STMN4: variants seen among roughly 807,000 people sequenced by gnomAD.
STMN4 encodes stathmin-4.
In STMN4, 12 loss-of-function variants were observed where a neutral mutation model predicts 29.1. That is an observed-to-expected ratio of 0.41 (90% CI 0.26 to 0.67). STMN4 has a LOEUF of 0.67. Ranked by LOEUF, STMN4 falls within the 30% of genes least tolerant of loss-of-function variation. STMN4 has a pLI of 0.30. For synonymous variants in STMN4, 114 were observed against 105.3 expected, an observed-to-expected ratio of 1.08 and a Z score of -0.51; for missense variants, 181 against 262.8, an observed-to-expected ratio of 0.69 and a Z score of 2.15.
At chr8:27,240,569 A>G (rs1801440997) in intron 5 of STMN4, among the ~76,000 whole-genome samples, 1 of 152,206 alleles carries the variant, frequency 6.6e-6, no homozygotes, top group Non-Finnish European at 1.5e-5. Flanking sequence ...GACAGGATGC[A>G]CTGAAGGAAT....
At chr8:27,257,274 C>T (rs1240804105) in intron 1 of STMN4, among the ~76,000 whole-genome samples, 1 of 152,132 alleles carries the variant, frequency 6.6e-6, no homozygotes, top group Non-Finnish European at 1.5e-5. Flanking sequence ...GGGGCTCAGC[C>T]TCAGGTGGAG....
chr8:27,243,697 GT>G lies in STMN4; in HGVS notation c.13+13del. On this transcript the variant is annotated intron_variant, in intron 2 of 6. Transcript: ENST00000350889. ...AATAGCCTACGCCCCTTAACACATG[GT>G]TTTTGTACCTACCAGCAAGGGTCAT... is the stretch of plus-strand genomic sequence containing the variant. 6.2e-7 allele frequency: 1 copy of G among 1,613,722 alleles called. No individual in the cohort carries two copies. Among genetic ancestry groups the G allele is most frequent in the Admixed American group, 1.7e-5 (1 of 60,032 alleles).
Position 27,243,800 on chromosome 8 carries a change from A to T in STMN4, c.-77T>A. On this transcript the variant is annotated splice_region_variant and 5_prime_UTR_variant, in exon 2 of 7. It adds an upstream start codon to the 5' untranslated region. Transcript: ENST00000350889. ...TCACCAGCTTGGGACGCTGTCACCA[A>T]CCTGAGAAAAGGGGAGGACAGGATT... 1 of 1,613,978 alleles carries T rather than the reference A, an allele frequency of 6.2e-7. No homozygotes were observed. Among genetic ancestry groups the T allele is most frequent in the Non-Finnish European group, 8.5e-7 (1 of 1,179,886 alleles).
chr8:27,240,479 G>T (rs1482907068), intron 5 of STMN4, among the ~76,000 whole-genome samples: 1 of 152,030 alleles, frequency 6.6e-6, no homozygotes, highest in Non-Finnish European at 1.5e-5. Flanking sequence ...ACAGCTTGGG[G>T]TAAAAAAAAG....
intron 1 of STMN4, among the ~76,000 whole-genome samples, chr8:27,257,850 C>A (rs545660371): frequency 3.3e-5 from 5 of 152,166 alleles, no homozygotes; most frequent in African/African-American, 9.6e-5. Flanking sequence ...TCATTGCATC[C>A]TTAGAACCAA....
At chr8:27,239,423 T>C (rs987612171) in intron 6 of STMN4, 1 of 873,964 alleles carries the variant, frequency 1.1e-6, no homozygotes, top group Non-Finnish European at 1.7e-6. Context: ...CCCGGCCTCA[T>C]GTTTCTCATA....
chr8:27,240,390 C>A (rs1024295536), intron 5 of STMN4, among the ~76,000 whole-genome samples: 1 of 152,152 alleles, frequency 6.6e-6, no homozygotes, highest in Non-Finnish European at 1.5e-5. Context: ...CCTTCATGGC[C>A]CTTTTGCTCA....
chr8:27,236,416 G>A lies in STMN4; in HGVS notation c.*430C>T. The A allele has an allele frequency of 6.5e-6, 1 of 154,516 alleles. No homozygotes were observed. The highest frequency in any genetic ancestry group is 1.4e-5 in the Non-Finnish European group (1 of 69,680). The allele number at this position is 154,516 out of a possible 1,614,324, so 9.6% of individuals were successfully genotyped here. On this transcript the variant is annotated 3_prime_UTR_variant, in exon 7 of 7. Transcript: ENST00000350889. The stretch of plus-strand genomic sequence containing the variant: ...ACCACTGGTACTCACAACCCCTCTG[G>A]CTGGGTTCTCTGGTGCGCCCTGCAG...
chr8:27,239,180 G>A (rs760874778), intron 6 of STMN4: 3 of 1,527,378 alleles, frequency 2.0e-6, no homozygotes, highest in Non-Finnish European at 2.6e-6. Flanking sequence ...AAGGGCCTGA[G>A]ACTCTAGGTG....
chr8:27,247,065 G>T (rs1276817383), intron 1 of STMN4, among the ~76,000 whole-genome samples: 1 of 151,974 alleles, frequency 6.6e-6, no homozygotes, highest in Non-Finnish European at 1.5e-5. Context: ...GACCAGCCTG[G>T]CCAACATGGT....
At chr8:27,251,959 C>G (rs56298508) in intron 1 of STMN4, among the ~76,000 whole-genome samples, 9,546 of 151,356 alleles carry the variant, frequency 0.063, 438 homozygotes, top group Non-Finnish European at 0.092. Context: ...ATCCCTCCCC[C>G]CTTCCCCCAT....
In STMN4 at chr8:27,241,027, A is replaced by T. The variant is rs763520354; in HGVS notation, c.399+27T>A. 1.9e-6 allele frequency: 3 copies of T among 1,596,828 alleles called. No homozygotes were observed. In the South Asian group the frequency reaches 3.4e-5, roughly 18 times the overall value. On this transcript the variant is annotated intron_variant, in intron 5 of 6. Coordinates refer to ENST00000350889, the MANE Select transcript of STMN4 (RefSeq NM_030795.4). ...CTCCCTCCCCTTTATGCTGAGAGGG[A>T]GGAAAGAAGGAAGGGTCAGCATTTA... is the stretch of plus-strand genomic sequence containing the variant.
chr8:27,244,700 G>A (rs1420665466), intron 1 of STMN4, among the ~76,000 whole-genome samples: 4 of 152,096 alleles, frequency 2.6e-5, no homozygotes, highest in East Asian at 1.9e-4. Flanking sequence ...CTCAGTGTCC[G>A]TGGGATCAGG....
intron 6 of STMN4, chr8:27,239,634 C>A: frequency 3.8e-6 from 5 of 1,300,342 alleles, no homozygotes; most frequent in Non-Finnish European, 5.1e-6. Context: ...AGGGATGAAG[C>A]TAGGAATGCA....
rs560031695 is a variant in STMN4 at position 27,241,889 on chromosome 8, G to A, written c.110-132C>T. The stretch of plus-strand genomic sequence containing the variant: ...GTCCCCGAGCACCCCTGGTGAGGAC[G>A]TGGCCACCCAGTGCTCCCTGCTGGT... On this transcript the variant is annotated intron_variant, in intron 3 of 6. Coordinates refer to ENST00000350889, the MANE Select transcript of STMN4 (RefSeq NM_030795.4). The A allele has an allele frequency of 7.9e-6, 8 of 1,006,874 alleles. No homozygotes were observed. The East Asian group carries it at 1.2e-4, about 15-fold the overall frequency. 62.4% of individuals were successfully genotyped at this position (1,006,874 alleles called of 1,614,324 possible). A position where few individuals can be genotyped will look rare whatever the true frequency, so the allele number is the denominator to read the frequency against.
chr8:27,244,400 T>C (rs569076944), intron 1 of STMN4, among the ~76,000 whole-genome samples: 2 of 152,094 alleles, frequency 1.3e-5, no homozygotes, highest in South Asian at 2.1e-4. Flanking sequence ...CATTAAGGAA[T>C]CATGTCGTCA....
rs1359482254 is a variant in STMN4 at position 27,243,771 on chromosome 8, T to A, written c.-48A>T. ...ATCTAGCTGAAAGTTACAGAGTGGG[T>A]CTGTCACCAGCTTGGGACGCTGTCA... On this transcript the variant is annotated 5_prime_UTR_variant, in exon 2 of 7. Transcript: ENST00000350889. 4.3e-6 allele frequency: 7 copies of A among 1,614,044 alleles called. No homozygotes were observed. The highest frequency in any genetic ancestry group is 5.9e-6 in the Non-Finnish European group (7 of 1,180,020).
chr8:27,243,896 G>A (rs911464852), intron 1 of STMN4, 95 bp from the exon 2 acceptor site: 1 of 1,165,354 alleles, frequency 8.6e-7, no homozygotes, highest in Admixed American at 2.0e-5. Context: ...GAATCTCAGG[G>A]GTACCTCATT....
At chr8:27,249,093 A>AC (rs141448591) in intron 1 of STMN4, among the ~76,000 whole-genome samples, 1,602 of 151,790 alleles carry the variant, frequency 0.011, 30 homozygotes, top group African/African-American at 0.035. Flanking sequence ...GTGGGTGATA[A>AC]CCCCCCCCAA....
Sources: gnomAD v4.1 joint callset for allele counts (sites outside exome capture counted in the v4.1 genomes callset) on GRCh38, gnomAD v4.1.1 for gene constraint, MANE v1.5 for transcripts, NCBI Gene and HGNC (gene_info 2026-07-23, HGNC 2026-07-21) for gene names.